The following DLGAP1 variants were observed in gnomAD, a reference collection of about 807,000 sequenced individuals.
DLGAP1 encodes DLG associated protein 1.
A neutral mutation model predicts 90.8 loss-of-function variants in DLGAP1; 11 were observed. The ratio of observed to expected loss-of-function variants is 0.12; its 90% confidence interval spans 0.08 to 0.20. DLGAP1 has a LOEUF of 0.20. DLGAP1 is among the 10% of genes least tolerant of loss of function. DLGAP1 has a pLI of 1.00. For synonymous variants in DLGAP1, 558 were observed against 540.7 expected (o/e 1.03, Z -0.44); for missense variants, 1,050 against 1,333.8 (o/e 0.79, Z 3.31).
chr18:3,535,446 G>T (rs35963654), intron 9 of DLGAP1, among the ~76,000 whole-genome samples: 1 of 151,916 alleles, frequency 6.6e-6, no homozygotes. Context: ...GGTGGCTCAC[G>T]CCCGTAATCC....
At chr18:4,112,575 G>C (rs1444348074) in intron 2 of DLGAP1, among the ~76,000 whole-genome samples, 1 of 152,038 alleles carries the variant, frequency 6.6e-6, no homozygotes, top group African/African-American at 2.4e-5. Flanking sequence ...TGCTGTTGTT[G>C]TATTTTGGGG....
intron 1 of DLGAP1, among the ~76,000 whole-genome samples, chr18:4,207,220 TACA>T (rs2077738386): frequency 6.6e-6 from 1 of 152,104 alleles, no homozygotes; most frequent in Non-Finnish European, 1.5e-5. Flanking sequence ...TCAGGGAACT[TACA>T]ACAATGGCGA....
chr18:3,727,966 T>C lies in DLGAP1; in HGVS notation c.1591+1169A>G, dbSNP rs1348439220. 7 of 152,108 alleles carry C rather than the reference T, an allele frequency of 4.6e-5. No individual in the cohort carries two copies. Among genetic ancestry groups the C allele is most frequent in the African/African-American group, 1.4e-4 (6 of 41,428 alleles). 9.4% of individuals were successfully genotyped at this position (152,108 alleles called of 1,614,324 possible). A position where few individuals can be genotyped will look rare whatever the true frequency, so the allele number is the denominator to read the frequency against. Reference sequence around the variant, plus strand: ...GGTGGTCAAGAATGAACTCCTCTTGTTTAACCCATATATTTATTTTAAATA... The same window carrying C: ...GGTGGTCAAGAATGAACTCCTCTTGCTTAACCCATATATTTATTTTAAATA... On this transcript the variant is annotated intron_variant, in intron 7 of 12. Coordinates refer to ENST00000315677, the MANE Select transcript of DLGAP1 (RefSeq NM_004746.4). This position sits in a 1 kb window ranked among gnomAD's most constrained non-coding sequence, Gnocchi z 4.7.
intron 7 of DLGAP1, among the ~76,000 whole-genome samples, chr18:3,669,748 C>G (rs909227509): frequency 2.0e-5 from 3 of 152,186 alleles, no homozygotes; most frequent in Non-Finnish European, 4.4e-5. Flanking sequence ...ACTCATTATC[C>G]AAGCCCCCAT....
At chr18:3,534,079 G>A in intron 10 of DLGAP1, 115 bp downstream of exon 10, 1 of 1,190,012 alleles carries the variant, frequency 8.4e-7, no homozygotes, top group Non-Finnish European at 1.2e-6. Flanking sequence ...GGTTTGGGGT[G>A]TGGAACGTCA....
At chr18:3,672,637 A>G (rs1078760) in intron 7 of DLGAP1, among the ~76,000 whole-genome samples, 76,043 of 146,822 alleles carry the variant, frequency 0.52, 23,489 homozygotes, top group African/African-American at 0.85. Flanking sequence ...AGATAAACCC[A>G]GGAGTGTTTA....
chr18:4,100,587 C>A (rs759022822), intron 2 of DLGAP1, among the ~76,000 whole-genome samples: 6 of 152,192 alleles, frequency 3.9e-5, no homozygotes, highest in Non-Finnish European at 5.9e-5. Context: ...GTCAGCCTGT[C>A]CTTTGAAGCT....
intron 7 of DLGAP1, among the ~76,000 whole-genome samples, chr18:3,612,509 G>A (rs1281239915): frequency 1.3e-5 from 2 of 152,160 alleles, no homozygotes; most frequent in Non-Finnish European, 2.9e-5. Context: ...CTACACCAAC[G>A]TGGTCAGATG....
At chr18:4,343,246 G>A (rs1410481104) in intron 1 of DLGAP1, among the ~76,000 whole-genome samples, 4 of 150,852 alleles carry the variant, frequency 2.7e-5, no homozygotes, top group African/African-American at 9.7e-5. Context: ...GGCAGAGCTT[G>A]CAGTGAGCTG....
At chr18:3,616,222 C>T (rs2057857460) in intron 7 of DLGAP1, among the ~76,000 whole-genome samples, 1 of 152,208 alleles carries the variant, frequency 6.6e-6, no homozygotes, top group South Asian at 2.1e-4. Context: ...TTCCATCTGA[C>T]ATGTCCTTCT....
intron 2 of DLGAP1, among the ~76,000 whole-genome samples, chr18:4,118,116 G>T (rs777448955): frequency 3.9e-5 from 6 of 151,988 alleles, no homozygotes; most frequent in Non-Finnish European, 7.4e-5. Context: ...TTGCACCATG[G>T]AGCTATGAGT....
At chr18:3,669,670 A>C (rs1408590956) in intron 7 of DLGAP1, among the ~76,000 whole-genome samples, 3 of 152,174 alleles carry the variant, frequency 2.0e-5, no homozygotes, top group Admixed American at 6.5e-5. Context: ...GCCCAACTCT[A>C]GGGGAAGGCC....
At chr18:3,527,960 T>C (rs1449921173) in intron 10 of DLGAP1, among the ~76,000 whole-genome samples, 1 of 152,162 alleles carries the variant, frequency 6.6e-6, no homozygotes, top group Non-Finnish European at 1.5e-5. Context: ...AAGTGTACCA[T>C]TCGGAGGCAT....
intron 3 of DLGAP1, among the ~76,000 whole-genome samples, chr18:3,892,220 T>C (rs1201078135): frequency 2.0e-5 from 3 of 151,906 alleles, no homozygotes; most frequent in Non-Finnish European, 2.9e-5. Context: ...GTTACCTGAT[T>C]ATGCCATTCT....
chr18:3,680,788 CAAAAA>C (rs71160910), intron 7 of DLGAP1, among the ~76,000 whole-genome samples: 2 of 94,732 alleles, frequency 2.1e-5, no homozygotes, highest in Non-Finnish European at 2.2e-5. Flanking sequence ...GACTCCGTCT[CAAAAA>C]AAAAAAAAAA....
At chr18:4,077,367 T>C (rs2075538977) in intron 2 of DLGAP1, among the ~76,000 whole-genome samples, 1 of 152,150 alleles carries the variant, frequency 6.6e-6, no homozygotes, top group Non-Finnish European at 1.5e-5. Context: ...TGTTTGGATA[T>C]GGTTTGTTTG....
At chr18:3,772,340 C>T (rs112199011) in intron 5 of DLGAP1, among the ~76,000 whole-genome samples, 1,066 of 51,270 alleles carry the variant, frequency 0.021, 48 homozygotes, top group African/African-American at 0.055. Flanking sequence ...CCTTCTCTCT[C>T]TCTCTCTCTT....
intron 3 of DLGAP1, among the ~76,000 whole-genome samples, chr18:3,982,301 C>T (rs1286092036): frequency 6.6e-6 from 1 of 152,138 alleles, no homozygotes; most frequent in Non-Finnish European, 1.5e-5. Context: ...ACTGTCTCCA[C>T]GTCATGTACA....
At chr18:3,995,687 C>T (rs560621887) in intron 3 of DLGAP1, 1 of 151,900 alleles carries the variant, frequency 6.6e-6, no homozygotes, top group East Asian at 1.9e-4. Flanking sequence ...AACCACACTG[C>T]CCCCTAGTGT....
Sources: gnomAD v4.1 joint callset for allele counts (sites outside exome capture counted in the v4.1 genomes callset) on GRCh38, gnomAD v4.1.1 for gene constraint, Gnocchi (gnomAD v3.1) non-coding constraint, MANE v1.5 for transcripts, NCBI Gene and HGNC (gene_info 2026-07-23, HGNC 2026-07-21) for gene names.